The following PTPRD variants were observed in gnomAD, a reference collection of about 807,000 sequenced individuals.
PTPRD encodes protein tyrosine phosphatase receptor type D, also known as receptor-type tyrosine-protein phosphatase delta.
PTPRD carries 34 observed loss-of-function variants against 214.5 expected under a neutral mutation model. The observed-to-expected ratio is 0.16, with a 90% CI of 0.12 to 0.21. The LOEUF (loss-of-function observed/expected upper bound fraction) is 0.21, where lower values mean the gene tolerates loss of function less well. Ranked by LOEUF, PTPRD falls within the 10% of genes least tolerant of loss-of-function variation. The pLI is 1.00. For missense variants in PTPRD, 2,545 were observed against 2,398.7 expected, an observed-to-expected ratio of 1.06 and a Z score of -1.27; for synonymous variants, 1,128 against 845.7, an observed-to-expected ratio of 1.33 and a Z score of -5.79.
intron 9 of PTPRD, among the ~76,000 whole-genome samples, chr9:9,323,231 T>C (rs1033600453): frequency 6.6e-6 from 1 of 152,140 alleles, no homozygotes; most frequent in Non-Finnish European, 1.5e-5. Flanking sequence ...GAAAAAATCA[T>C]TGGTTTTATT....
chr9:8,890,725 T>C (rs2890841), intron 11 of PTPRD, among the ~76,000 whole-genome samples: 21,706 of 152,166 alleles, frequency 0.14, 1,999 homozygotes, highest in East Asian at 0.3. Context: ...CATACCACTG[T>C]AGGCAAGCAG....
chr9:10,056,393 T>C (rs1010453442), intron 3 of PTPRD, among the ~76,000 whole-genome samples: 1 of 151,076 alleles, frequency 6.6e-6, no homozygotes, highest in African/African-American at 2.4e-5. Flanking sequence ...GCAAAAAGTA[T>C]CAATAAAAGA....
rs552643942 is a variant in PTPRD at position 8,364,826 on chromosome 9, A to G, written c.4661+11110T>C. On this transcript the variant is annotated intron_variant, in intron 39 of 45. Coordinates refer to ENST00000381196, the MANE Select transcript of PTPRD (RefSeq NM_002839.4). ...TGGCTACCCATCAGCCTTTCTTCCC[A>G]TTATTCATGGGCTTGAAGATCTGGG... 1.4e-4 allele frequency among the ~76,000 whole-genome samples: 21 copies of G among 152,174 alleles called. No homozygotes were observed. The East Asian group carries it at 3.5e-3, about 25-fold the overall frequency.
intron 9 of PTPRD, among the ~76,000 whole-genome samples, chr9:9,291,939 T>G (rs973851717): frequency 1.5e-4 from 22 of 151,048 alleles, no homozygotes; most frequent in African/African-American, 5.3e-4. Context: ...ATAAATTTCT[T>G]GATTTTTAAA....
intron 3 of PTPRD, among the ~76,000 whole-genome samples, chr9:10,212,422 T>C (rs2099521644): frequency 6.6e-6 from 1 of 152,124 alleles, no homozygotes; most frequent in Non-Finnish European, 1.5e-5. Flanking sequence ...AATATGTATG[T>C]TCCATATGAT....
At chr9:9,173,043 C>T (rs2099922437) in intron 10 of PTPRD, among the ~76,000 whole-genome samples, 1 of 152,138 alleles carries the variant, frequency 6.6e-6, no homozygotes, top group African/African-American at 2.4e-5. Context: ...TCCCAGTCAT[C>T]TTTTCCTCCT....
intron 12 of PTPRD, among the ~76,000 whole-genome samples, chr9:8,716,110 A>C (rs1565509684): frequency 6.6e-6 from 1 of 152,132 alleles, no homozygotes; most frequent in African/African-American, 2.4e-5. Context: ...AATTGCGAAA[A>C]CCGCAATTAC....
intron 8 of PTPRD, among the ~76,000 whole-genome samples, chr9:9,494,367 C>A (rs2096070502): frequency 6.6e-6 from 1 of 152,072 alleles, no homozygotes; most frequent in Non-Finnish European, 1.5e-5. Flanking sequence ...TTGCATAGAA[C>A]AAAACTTTTG....
intron 11 of PTPRD, chr9:8,797,037 C>T (rs1316718491): frequency 6.6e-6 from 1 of 151,974 alleles, no homozygotes; most frequent in African/African-American, 2.4e-5. Flanking sequence ...ATTCCCCAAC[C>T]ATTTGGGATA....
rs146501519 is a variant in PTPRD at position 8,545,017 on chromosome 9, A to G, written c.353-16238T>C. The stretch of plus-strand genomic sequence containing the variant: ...CAGAACAAAACTTTCTGGGATATTC[A>G]CTTTCCTGGTGCTTCTTAATATGAC... On this transcript the variant is annotated intron_variant, in intron 14 of 45. Coordinates refer to ENST00000381196, the MANE Select transcript of PTPRD (RefSeq NM_002839.4). Among the ~76,000 whole-genome samples the G allele has an allele frequency of 1.5e-3, 230 of 150,872 alleles. 1 individual carries two copies. Among genetic ancestry groups the G allele is most frequent in the African/African-American group, 5.2e-3 (215 of 40,962 alleles).
intron 39 of PTPRD, among the ~76,000 whole-genome samples, chr9:8,372,961 T>C (rs2134508728): frequency 6.6e-6 from 1 of 152,128 alleles, no homozygotes; most frequent in Non-Finnish European, 1.5e-5. Flanking sequence ...TCACTACTTC[T>C]TTAATATAGA....
intron 9 of PTPRD, among the ~76,000 whole-genome samples, chr9:9,395,261 C>T (rs925707547): frequency 4.6e-5 from 7 of 151,508 alleles, no homozygotes; most frequent in Non-Finnish European, 1.0e-4. Flanking sequence ...GCAACATAAA[C>T]ATCACTTGAG....
At chr9:8,463,706 A>G (rs927664544) in intron 32 of PTPRD, among the ~76,000 whole-genome samples, 8 of 152,000 alleles carry the variant, frequency 5.3e-5, no homozygotes, top group African/African-American at 1.9e-4. Context: ...TAAATTTTGG[A>G]TAATTCCAAA....
At chr9:8,762,937 G>T (rs1174013466) in intron 11 of PTPRD, among the ~76,000 whole-genome samples, 3 of 152,122 alleles carry the variant, frequency 2.0e-5, no homozygotes, top group Non-Finnish European at 4.4e-5. Flanking sequence ...GCATGGGATG[G>T]AGCCTCCTTC....
At position 10,363,242 on chromosome 9, in the gene PTPRD, C is replaced by T. The variant is rs532606328; in HGVS notation, c.-599-22225G>A. On this transcript the variant is annotated intron_variant, in intron 2 of 45. Transcript: ENST00000381196. ...TGAAGTTCCACATTTTTAAGAAGTT[C>T]CCAGGTGAGGTCAAGGCTATTGGTC... Among the ~76,000 whole-genome samples, 3 of 152,148 alleles carry T rather than the reference C, an allele frequency of 2.0e-5. No individual in the cohort carries two copies. The South Asian group carries it at 6.2e-4, about 32-fold the overall frequency.
chr9:10,204,150 C>T (rs2099452297), intron 3 of PTPRD, among the ~76,000 whole-genome samples: 1 of 152,118 alleles, frequency 6.6e-6, no homozygotes, highest in Non-Finnish European at 1.5e-5. Context: ...AGGCATTGAC[C>T]TCTATGAGAT....
intron 4 of PTPRD, among the ~76,000 whole-genome samples, chr9:9,950,047 C>T (rs182398386): frequency 4.6e-5 from 7 of 152,218 alleles, no homozygotes; most frequent in African/African-American, 1.7e-4. Context: ...CTTAACGTAC[C>T]ATCATAGTCC....
chr9:9,236,344 A>C (rs1043117842), intron 9 of PTPRD, among the ~76,000 whole-genome samples: 1 of 152,150 alleles, frequency 6.6e-6, no homozygotes, highest in African/African-American at 2.4e-5. Context: ...CTATGGGAAA[A>C]TCAAATTTAA....
At chr9:10,363,826 G>C (rs1394169333) in intron 2 of PTPRD, among the ~76,000 whole-genome samples, 1 of 151,872 alleles carries the variant, frequency 6.6e-6, no homozygotes, top group Admixed American at 6.6e-5. Flanking sequence ...GTAGATAGAT[G>C]CTATGGAAAA....
Sources: gnomAD v4.1 joint callset for allele counts (sites outside exome capture counted in the v4.1 genomes callset) on GRCh38, gnomAD v4.1.1 for gene constraint, MANE v1.5 for transcripts, NCBI Gene and HGNC (gene_info 2026-07-23, HGNC 2026-07-21) for gene names.